SLC12A2: variants seen among roughly 807,000 people sequenced by gnomAD.
SLC12A2 encodes the protein Na-K-2Cl cotransporter 1.
SLC12A2 carries 67 observed loss-of-function variants against 136.3 expected under a neutral mutation model. That is an observed-to-expected ratio of 0.49 (90% confidence interval 0.40 to 0.60). The LOEUF (loss-of-function observed/expected upper bound fraction) is 0.60, where lower values mean the gene tolerates loss of function less well. Among genes scored for constraint, SLC12A2 ranks in the 20% least tolerant of loss-of-function variants. SLC12A2 has a pLI of 0.00. For missense variants in SLC12A2, 1,322 were observed against 1,534.7 expected (o/e 0.86, Z 2.32); for synonymous variants, 619 against 562.9 (o/e 1.10, Z -1.41).
At chr5:128,122,754 A>G (rs1761636390) in intron 4 of SLC12A2, among the ~76,000 whole-genome samples, 1 of 152,104 alleles carries the variant, frequency 6.6e-6, no homozygotes, top group Admixed American at 6.5e-5. Flanking sequence ...TCAGATTATC[A>G]TTGATTGTCA....
chr5:128,184,763 G>A (rs1763817181), intron 25 of SLC12A2, 26 bp from the exon 26 acceptor site: 4 of 1,611,510 alleles, frequency 2.5e-6, no homozygotes, highest in Admixed American at 1.7e-5. Flanking sequence ...ACATGGTCTA[G>A]GAATGACTGT....
intron 9 of SLC12A2, 119 bp downstream of exon 9, chr5:128,139,027 C>A (rs1441298377): frequency 1.4e-6 from 1 of 706,146 alleles, no homozygotes; most frequent in South Asian, 2.1e-5. Flanking sequence ...AATAAAAAGA[C>A]ATGGAGTTGC....
intron 19 of SLC12A2, among the ~76,000 whole-genome samples, chr5:128,173,178 C>A (rs907934798): frequency 6.6e-6 from 1 of 152,142 alleles, no homozygotes; most frequent in African/African-American, 2.4e-5. Context: ...CCTCTCTTTA[C>A]CCCTTTAAGG....
At chr5:128,089,121 T>C (rs919652517) in intron 1 of SLC12A2, among the ~76,000 whole-genome samples, 1 of 150,244 alleles carries the variant, frequency 6.7e-6, no homozygotes, top group African/African-American at 2.5e-5. Context: ...TGAGCCAAGA[T>C]TGCGCCATTG....
intron 10 of SLC12A2, among the ~76,000 whole-genome samples, chr5:128,144,055 G>C (rs1015405120): frequency 6.6e-6 from 1 of 151,980 alleles, no homozygotes; most frequent in Non-Finnish European, 1.5e-5. Context: ...AGGAATGAAA[G>C]AAAGTATTCA....
intron 17 of SLC12A2, among the ~76,000 whole-genome samples, chr5:128,163,368 A>G (rs148852167): frequency 1.2e-4 from 19 of 152,204 alleles, no homozygotes; most frequent in African/African-American, 3.9e-4. Flanking sequence ...GTCTCTACTA[A>G]AAATACAAAA....
intron 2 of SLC12A2, among the ~76,000 whole-genome samples, chr5:128,113,164 A>G (rs367807596): frequency 4.6e-5 from 7 of 152,166 alleles, no homozygotes; most frequent in African/African-American, 1.2e-4. Context: ...ATTATATTCT[A>G]TGTAATGTGT....
chr5:128,095,986 T>A (rs1223245375), intron 1 of SLC12A2, among the ~76,000 whole-genome samples: 2 of 152,264 alleles, frequency 1.3e-5, no homozygotes, highest in Non-Finnish European at 2.9e-5. Flanking sequence ...AGTTCTGGCT[T>A]TAACTGTTAG....
chr5:128,161,060 A>G (rs1300990283), intron 16 of SLC12A2, among the ~76,000 whole-genome samples: 1 of 152,090 alleles, frequency 6.6e-6, no homozygotes, highest in East Asian at 1.9e-4. Context: ...TAGGGTGTGT[A>G]CTCTTAAGCT....
At chr5:128,184,974 G>C in intron 26 of SLC12A2, 118 bp downstream of exon 26, 1 of 849,924 alleles carries the variant, frequency 1.2e-6, no homozygotes, top group Non-Finnish European at 1.8e-6. Context: ...TTATAAGGAG[G>C]AAAAAACAAA....
At chr5:128,107,404 C>T (rs1760981388) in intron 1 of SLC12A2, among the ~76,000 whole-genome samples, 1 of 152,138 alleles carries the variant, frequency 6.6e-6, no homozygotes, top group Non-Finnish European at 1.5e-5. Flanking sequence ...CAACCTGTCA[C>T]CTACATTAGG....
chr5:128,156,341 T>G (rs984396055), intron 15 of SLC12A2, among the ~76,000 whole-genome samples: 1 of 152,166 alleles, frequency 6.6e-6, no homozygotes, highest in African/African-American at 2.4e-5. Context: ...GTGCTCCAGA[T>G]ATTTTTGTGG....
intron 1 of SLC12A2, among the ~76,000 whole-genome samples, chr5:128,102,596 CTTTTTTTTTTTTTTTTTTTTT>C (rs70997362): frequency 4.9e-5 from 2 of 40,450 alleles, no homozygotes; most frequent in Non-Finnish European, 9.7e-5. Context: ...CCCCCCCCGC[CTTTTTTTTTTTTTTTTTTTTT>C]TTTTTTTTTT....
intron 1 of SLC12A2, among the ~76,000 whole-genome samples, chr5:128,087,066 G>C (rs1266166705): frequency 1.3e-5 from 2 of 152,224 alleles, no homozygotes; most frequent in African/African-American, 2.4e-5. Context: ...TCAGAAACTT[G>C]TTAGGGAAAA....
At chr5:128,120,603 G>C (rs551288620) in intron 4 of SLC12A2, among the ~76,000 whole-genome samples, 1 of 150,792 alleles carries the variant, frequency 6.6e-6, no homozygotes, top group South Asian at 2.1e-4. Flanking sequence ...GTAAACTATC[G>C]CAAGGACAAA....
intron 4 of SLC12A2, among the ~76,000 whole-genome samples, chr5:128,126,948 A>G (rs1249680787): frequency 3.9e-5 from 1 of 25,552 alleles, no homozygotes; most frequent in Non-Finnish European, 6.9e-5. Context: ...CTACATATAT[A>G]TATATATATA....
intron 4 of SLC12A2, among the ~76,000 whole-genome samples, chr5:128,116,170 T>G (rs1402989349): frequency 6.6e-6 from 1 of 152,132 alleles, no homozygotes; most frequent in African/African-American, 2.4e-5. Context: ...CAGCAAATCA[T>G]CAAAGAATTT....
At chr5:128,115,792 G>A (rs1761325109) in intron 4 of SLC12A2, among the ~76,000 whole-genome samples, 1 of 152,156 alleles carries the variant, frequency 6.6e-6, no homozygotes, top group Non-Finnish European at 1.5e-5. Context: ...AAGTATTTGG[G>A]TGTGGGAGGG....
intron 10 of SLC12A2, among the ~76,000 whole-genome samples, chr5:128,142,904 A>C (rs1264206888): frequency 6.6e-6 from 1 of 152,038 alleles, no homozygotes; most frequent in Admixed American, 6.6e-5. Flanking sequence ...TTTGGGGTAC[A>C]TGTGGTTTCT....
Sources: allele counts gnomAD v4.1 joint callset (sites outside exome capture counted in the v4.1 genomes callset), GRCh38; gene constraint gnomAD v4.1.1; transcripts MANE v1.5; gene names NCBI Gene and HGNC (gene_info 2026-07-23, HGNC 2026-07-21).